The following BCHE variants were observed in gnomAD, a reference collection of about 807,000 sequenced individuals.
BCHE encodes the protein butyrylcholinesterase, also known as cholinesterase.
A neutral mutation model predicts 51.3 loss-of-function variants in BCHE; 48 were observed. The observed-to-expected ratio is 0.94, with a 90% confidence interval of 0.74 to 1.19. BCHE has a LOEUF of 1.19. Among genes scored for constraint, BCHE ranks in the 50% most tolerant of loss-of-function variants. The pLI, the probability that BCHE is intolerant of heterozygous loss-of-function variation, is 0.00. For missense variants in BCHE, 847 were observed against 708.2 expected (o/e 1.20, Z -2.23); for synonymous variants, 251 against 238.0 (o/e 1.05, Z -0.50).
intron 3 of BCHE, among the ~76,000 whole-genome samples, chr3:165,779,616 C>A (rs1262658667): frequency 6.6e-6 from 1 of 151,878 alleles, no homozygotes; most frequent in African/African-American, 2.4e-5. Context: ...TCCTATACAC[C>A]AATAATAGAC....
intron 2 of BCHE, among the ~76,000 whole-genome samples, chr3:165,802,510 A>C (rs1426794711): frequency 6.6e-6 from 1 of 152,172 alleles, no homozygotes; most frequent in Non-Finnish European, 1.5e-5. Flanking sequence ...TTGGTGGCTC[A>C]GATTAGGCTT....
At chr3:165,801,338 AT>A (rs1328941021) in intron 2 of BCHE, among the ~76,000 whole-genome samples, 1 of 152,220 alleles carries the variant, frequency 6.6e-6, no homozygotes, top group African/African-American at 2.4e-5. Flanking sequence ...ATAACTTATG[AT>A]TTGCATGTAC....
intron 2 of BCHE, among the ~76,000 whole-genome samples, chr3:165,790,529 A>C (rs1713127266): frequency 2.0e-5 from 3 of 152,180 alleles, no homozygotes; most frequent in Admixed American, 6.5e-5. Context: ...TCTGAGTTAT[A>C]AAATCTGACA....
chr3:165,795,657 T>C (rs1367104767), intron 2 of BCHE, among the ~76,000 whole-genome samples: 1 of 152,126 alleles, frequency 6.6e-6, no homozygotes, highest in Non-Finnish European at 1.5e-5. Flanking sequence ...GTTTGTTCAG[T>C]TTTTTTCTTA....
At chr3:165,817,986 A>G (rs1378559898) in intron 2 of BCHE, among the ~76,000 whole-genome samples, 5 of 152,108 alleles carry the variant, frequency 3.3e-5, no homozygotes. Flanking sequence ...TAATTATTTT[A>G]TACTGAAAAG....
At chr3:165,801,450 A>G (rs1713641023) in intron 2 of BCHE, among the ~76,000 whole-genome samples, 1 of 152,190 alleles carries the variant, frequency 6.6e-6, no homozygotes, top group Admixed American at 6.6e-5. Context: ...CTGCTTTACA[A>G]TTACAGCTAC....
intron 2 of BCHE, among the ~76,000 whole-genome samples, chr3:165,825,909 A>C (rs1714705258): frequency 1.3e-5 from 2 of 152,172 alleles, no homozygotes; most frequent in Admixed American, 1.3e-4. Flanking sequence ...TTTCACATCT[A>C]TATCCATCAG....
intron 3 of BCHE, among the ~76,000 whole-genome samples, chr3:165,776,421 C>A (rs1712473612): frequency 6.6e-6 from 1 of 151,404 alleles, no homozygotes. Flanking sequence ...TGAAAGTCCA[C>A]AAATATAATG....
chr3:165,811,755 C>G (rs568470993), intron 2 of BCHE, among the ~76,000 whole-genome samples: 6 of 151,812 alleles, frequency 4.0e-5, no homozygotes, highest in Non-Finnish European at 7.4e-5. Flanking sequence ...AGAGTTAGAG[C>G]CTAAACACAG....
chr3:165,821,987 A>C (rs1714542020), intron 2 of BCHE, among the ~76,000 whole-genome samples: 1 of 151,922 alleles, frequency 6.6e-6, no homozygotes, highest in African/African-American at 2.4e-5. Context: ...ATTTCCTTAA[A>C]GTGTAAGGGA....
rs56087307 is a variant in BCHE, at chr3:165,829,506, T to A, written c.1517+11A>T. 1 of 1,606,052 alleles carries A rather than the reference T, an allele frequency of 6.2e-7. No individual in the cohort carries two copies. ...CCAAGCCAGAGAACAATGACAAAAA[T>A]CAGCACTTACCCATATTTTGCAAAA... On this transcript the variant is annotated intron_variant, in intron 2 of 3. Transcript: ENST00000264381.
At chr3:165,825,553 C>A (rs1269234786) in intron 2 of BCHE, among the ~76,000 whole-genome samples, 1 of 151,854 alleles carries the variant, frequency 6.6e-6, no homozygotes. Flanking sequence ...GGATATGTAT[C>A]TTTTTATATT....
At chr3:165,804,612 T>C (rs540252589) in intron 2 of BCHE, among the ~76,000 whole-genome samples, 116 of 152,164 alleles carry the variant, frequency 7.6e-4, no homozygotes, top group African/African-American at 2.7e-3. Context: ...TGCGATCTGA[T>C]TAATTTTGGG....
chr3:165,834,274 G>C (rs908854201), intron 1 of BCHE, among the ~76,000 whole-genome samples: 2 of 151,802 alleles, frequency 1.3e-5, no homozygotes, highest in Non-Finnish European at 2.9e-5. Flanking sequence ...ATGCTGAGTA[G>C]GTCTTGTTAT....
Position 165,830,022 on chromosome 3 carries a change from C to T in BCHE, c.1012G>A (p.Gly338Arg). ...AAAATCTGGGTTTTTTTAAATTGTCCAAGTTCAAGTAATATGTCTGGCATG... is the reference window on the plus strand; with the variant it reads ...AAAATCTGGGTTTTTTTAAATTGTCTAAGTTCAAGTAATATGTCTGGCATG... ...TDMPDILLELGQFKKTQILVG... is the reference protein window; with the variant it reads ...TDMPDILLELRQFKKTQILVG... Residue 338 changes from glycine (G) to arginine (R), a missense_variant, in exon 2 of 4, where the codon GGA becomes AGA. Gly to Arg is a moderately radical substitution (Grantham distance 125). Transcript: ENST00000264381. 1 of 1,613,640 alleles carries T rather than the reference C, an allele frequency of 6.2e-7. No homozygotes were observed. Among genetic ancestry groups the T allele is most frequent in the African/African-American group, 1.3e-5 (1 of 74,974 alleles).
intron 1 of BCHE, among the ~76,000 whole-genome samples, chr3:165,833,280 T>G (rs2108237896): frequency 6.6e-6 from 1 of 152,252 alleles, no homozygotes; most frequent in Admixed American, 6.5e-5. Flanking sequence ...ATATGCCATT[T>G]ATTGACAGGG....
intron 3 of BCHE, among the ~76,000 whole-genome samples, chr3:165,774,031 G>C (rs1437526165): frequency 6.6e-6 from 1 of 151,880 alleles, no homozygotes; most frequent in East Asian, 1.9e-4. Flanking sequence ...ATGTAAAATA[G>C]CATAACATTT....
At chr3:165,817,576 G>A (rs1714358452) in intron 2 of BCHE, among the ~76,000 whole-genome samples, 1 of 151,960 alleles carries the variant, frequency 6.6e-6, no homozygotes, top group Non-Finnish European at 1.5e-5. Context: ...TTTAGTCTTA[G>A]AGGTTGTTCT....
chr3:165,830,088 C>A lies in BCHE; in HGVS notation c.946G>T (p.Val316Leu). Residue 316 changes from valine to leucine, a missense_variant, in exon 2 of 4, where the codon GTA (valine) becomes TTA (leucine). By Grantham distance (32) the Val-to-Leu change is conservative (BLOSUM62 1). Transcript: ENST00000264381. The part of the protein sequence containing the change: ...FVVPYGTPLS[V>L]NFGPTVDGDF... Reference sequence around the variant, plus strand: ...CCATCCACGGTCGGACCAAAGTTTACTGACAAAGGAGTCCCATAGGGGACA... The same window carrying A: ...CCATCCACGGTCGGACCAAAGTTTAATGACAAAGGAGTCCCATAGGGGACA... 1.2e-6 allele frequency: 2 copies of A among 1,613,534 alleles called. No individual in the cohort carries two copies. The highest frequency in any genetic ancestry group is 1.1e-5 in the South Asian group (1 of 91,034).
Sources: allele counts gnomAD v4.1 joint callset (sites outside exome capture counted in the v4.1 genomes callset), GRCh38; gene constraint gnomAD v4.1.1; transcripts MANE v1.5; gene names NCBI Gene and HGNC (gene_info 2026-07-23, HGNC 2026-07-21).